WNK1: variants seen among roughly 807,000 people sequenced by gnomAD.
The protein encoded by WNK1 is serine/threonine-protein kinase WNK1.
WNK1 carries 38 observed loss-of-function variants against 222.8 expected under a neutral mutation model. That is an observed-to-expected ratio of 0.17 (90% CI 0.13 to 0.22). WNK1 has a LOEUF of 0.22. Ranked by LOEUF, WNK1 falls within the 10% of genes least tolerant of loss-of-function variation. The probability of loss-of-function intolerance (pLI) is 1.00; values close to 1 mark genes in which losing one functional copy is unlikely to be tolerated. For synonymous variants in WNK1, 1,090 were observed against 1,092.9 expected (o/e 1.00, Z 0.05); for missense variants, 2,348 against 2,918.4 (o/e 0.80, Z 4.50).
chr12:824,356 T>G (rs372176474), intron 2 of WNK1, among the ~76,000 whole-genome samples: 1 of 152,126 alleles, frequency 6.6e-6, no homozygotes, highest in East Asian at 1.9e-4. Context: ...AAACTTAGCT[T>G]CTCTGAGTTT....
chr12:869,474 T>G (rs1951955808), intron 8 of WNK1, among the ~76,000 whole-genome samples: 2 of 152,282 alleles, frequency 1.3e-5, no homozygotes, highest in Admixed American at 6.5e-5. Context: ...AAGTATTACT[T>G]TCTTCCTCCA....
intron 9 of WNK1, among the ~76,000 whole-genome samples, chr12:877,803 TA>T (rs1405540067): frequency 6.6e-6 from 1 of 152,118 alleles, no homozygotes; most frequent in Non-Finnish European, 1.5e-5. Flanking sequence ...GAAAAAAGAT[TA>T]AAGGAAGCTA....
intron 1 of WNK1, among the ~76,000 whole-genome samples, chr12:778,630 CA>C (rs920703288): frequency 3.4e-5 from 5 of 149,126 alleles, no homozygotes; most frequent in African/African-American, 1.2e-4. Flanking sequence ...CGTGCCCGGC[CA>C]ATGATCTTTT....
At chr12:786,845 C>G (rs1417109791) in intron 1 of WNK1, among the ~76,000 whole-genome samples, 1 of 151,846 alleles carries the variant, frequency 6.6e-6, no homozygotes, top group East Asian at 1.9e-4. Context: ...TTTTTAAAGC[C>G]TGTTCCACAG....
chr12:888,337 C>T (rs535663617), intron 20 of WNK1, among the ~76,000 whole-genome samples: 5 of 152,190 alleles, frequency 3.3e-5, no homozygotes, highest in South Asian at 2.1e-4. Context: ...TGTGAAAGTC[C>T]GTAAATCAGG....
At chr12:810,931 G>A (rs568429107) in intron 1 of WNK1, among the ~76,000 whole-genome samples, 97 of 152,192 alleles carry the variant, frequency 6.4e-4, no homozygotes, top group Non-Finnish European at 1.0e-3. Flanking sequence ...CATGTGACAC[G>A]GATCCTTGGT....
At chr12:888,771 A>C (rs1953920678) in intron 20 of WNK1, among the ~76,000 whole-genome samples, 1 of 152,240 alleles carries the variant, frequency 6.6e-6, no homozygotes, top group African/African-American at 2.4e-5. Flanking sequence ...AAAAGAGGGA[A>C]CATGAGATAC....
At chr12:796,876 C>T (rs1945358246) in intron 1 of WNK1, among the ~76,000 whole-genome samples, 1 of 119,832 alleles carries the variant, frequency 8.3e-6, no homozygotes, top group Non-Finnish European at 2.0e-5. Context: ...CAAGCATGAT[C>T]AATCTTATGA....
At chr12:858,724 G>C (rs556376455) in intron 5 of WNK1, among the ~76,000 whole-genome samples, 1 of 152,222 alleles carries the variant, frequency 6.6e-6, no homozygotes, top group East Asian at 1.9e-4. Context: ...ATAACTGTGA[G>C]CAAGATTCTC....
At chr12:875,431 T>G (rs948440622) in intron 9 of WNK1, among the ~76,000 whole-genome samples, 1 of 139,094 alleles carries the variant, frequency 7.2e-6, no homozygotes, top group Non-Finnish European at 1.5e-5. Flanking sequence ...CTGCAAAGAC[T>G]TCAGCTCATG....
chr12:790,158 G>A (rs1366442575), intron 1 of WNK1, among the ~76,000 whole-genome samples: 1 of 152,238 alleles, frequency 6.6e-6, no homozygotes. Context: ...TCACTCTTGC[G>A]AGATGGGGAA....
At chr12:834,193 C>G (rs1030916234) in intron 4 of WNK1, among the ~76,000 whole-genome samples, 1 of 152,098 alleles carries the variant, frequency 6.6e-6, no homozygotes, top group Non-Finnish European at 1.5e-5. Context: ...GCAAATTGAT[C>G]AAATAGAGTG....
At chr12:877,644 A>C (rs1952751135) in intron 9 of WNK1, among the ~76,000 whole-genome samples, 2 of 152,252 alleles carry the variant, frequency 1.3e-5, no homozygotes, top group Admixed American at 6.5e-5. Context: ...TAAAATAAGC[A>C]ATCTAAGGCA....
At chr12:869,725 CATT>C (rs1370582789) in intron 8 of WNK1, among the ~76,000 whole-genome samples, 1 of 151,742 alleles carries the variant, frequency 6.6e-6, no homozygotes, top group African/African-American at 2.4e-5. Context: ...AGTTGCTGTG[CATT>C]ATTATATGTC....
chr12:800,026 C>T (rs1163404805), intron 1 of WNK1, among the ~76,000 whole-genome samples: 1 of 152,130 alleles, frequency 6.6e-6, no homozygotes, highest in Non-Finnish European at 1.5e-5. Flanking sequence ...CACCCATAGT[C>T]CCAGCTACTT....
chr12:883,761 T>A lies in WNK1; in HGVS notation c.3664-13T>A, dbSNP rs769252703. 6.2e-7 allele frequency: 1 copy of A among 1,614,096 alleles called. No individual in the cohort carries two copies. Among genetic ancestry groups the A allele is most frequent in the South Asian group, 1.1e-5 (1 of 91,082 alleles). The stretch of plus-strand genomic sequence containing the variant: ...CATTTGAGAATGTATTTAATCACTT[T>A]TGTTTGTTGTAGAAATTGGAAGGAG... On this transcript the variant is annotated splice_polypyrimidine_tract_variant and intron_variant, in intron 16 of 27. Coordinates refer to ENST00000315939, the MANE Select transcript of WNK1 (RefSeq NM_018979.4).
At chr12:855,039 T>A (rs1220266895) in intron 4 of WNK1, among the ~76,000 whole-genome samples, 1 of 152,250 alleles carries the variant, frequency 6.6e-6, no homozygotes, top group Non-Finnish European at 1.5e-5. Context: ...GGGCCAACTG[T>A]GCTCAGTTTT....
intron 26 of WNK1, among the ~76,000 whole-genome samples, chr12:903,095 G>A (rs566870219): frequency 5.3e-5 from 8 of 152,242 alleles, no homozygotes; most frequent in African/African-American, 1.9e-4. Flanking sequence ...CATATGACAC[G>A]TTTAACTGCC....
At position 753,805 on chromosome 12, in the gene WNK1, C is replaced by T. The variant is rs761926377; in HGVS notation, c.240C>T (p.Phe80=). The T allele has an allele frequency of 6.2e-7, 1 of 1,612,734 alleles. No homozygotes were observed. The highest frequency in any genetic ancestry group is 8.5e-7 in the Non-Finnish European group (1 of 1,179,978). The change falls in exon 1 of 28, where the codon TTC becomes TTT. Residue 80 remains phenylalanine, a synonymous_variant. Coordinates refer to ENST00000315939, the MANE Select transcript of WNK1 (RefSeq NM_018979.4). This position sits in a 1 kb window ranked among gnomAD's most constrained non-coding sequence, Gnocchi z 5.2. ...CTACCACCACTGAGCACCGCTTCTTCCGCCGGAGCGTCATCTGTGACTCCA... is the reference window on the plus strand; with the variant it reads ...CTACCACCACTGAGCACCGCTTCTTTCGCCGGAGCGTCATCTGTGACTCCA... ...ATTTTTEHRF[F]RRSVICDSNA...
Sources: allele counts gnomAD v4.1 joint callset (sites outside exome capture counted in the v4.1 genomes callset), GRCh38; gene constraint gnomAD v4.1.1; non-coding constraint Gnocchi (gnomAD v3.1); transcripts MANE v1.5; gene names NCBI Gene and HGNC (gene_info 2026-07-23, HGNC 2026-07-21).